CAB39: variants seen among roughly 807,000 people sequenced by gnomAD.
CAB39 encodes calcium binding protein 39.
In CAB39, 8 loss-of-function variants were observed where a neutral mutation model predicts 40.0. The observed-to-expected ratio is 0.20, with a 90% CI of 0.12 to 0.36. The LOEUF (loss-of-function observed/expected upper bound fraction) is 0.36. Ranked by LOEUF, CAB39 falls within the 10% of genes least tolerant of loss-of-function variation. The probability of loss-of-function intolerance (pLI) is 1.00; values close to 1 mark genes in which losing one functional copy is unlikely to be tolerated. For synonymous variants in CAB39, 156 were observed against 141.6 expected (o/e 1.10, Z -0.72); for missense variants, 270 against 401.1 (o/e 0.67, Z 2.79).
intron 3 of CAB39, 102 bp downstream of exon 3, chr2:230,791,138 T>C: frequency 4.4e-6 from 4 of 916,968 alleles, no homozygotes; most frequent in Non-Finnish European, 6.4e-6. Flanking sequence ...TTTGGGCTCT[T>C]GGCTCAGGGT....
At chr2:230,728,152 T>C (rs561092382) in intron 1 of CAB39, among the ~76,000 whole-genome samples, 2 of 152,252 alleles carry the variant, frequency 1.3e-5, no homozygotes, top group South Asian at 4.1e-4. Flanking sequence ...ACAGGAGAAT[T>C]GCTTGAACCT....
chr2:230,714,546 C>A (rs1378316728), intron 1 of CAB39, among the ~76,000 whole-genome samples: 2 of 152,200 alleles, frequency 1.3e-5, no homozygotes, highest in Non-Finnish European at 2.9e-5. Flanking sequence ...ATAAAAACTT[C>A]TTGCACTTTG....
chr2:230,809,074 G>T (rs755355727), intron 5 of CAB39, among the ~76,000 whole-genome samples: 1 of 152,200 alleles, frequency 6.6e-6, no homozygotes, highest in African/African-American at 2.4e-5. Flanking sequence ...CAATCAGGAG[G>T]AGTTGAGGTC....
intron 1 of CAB39, among the ~76,000 whole-genome samples, chr2:230,718,300 C>G (rs891695955): frequency 6.6e-6 from 1 of 152,208 alleles, no homozygotes; most frequent in African/African-American, 2.4e-5. Flanking sequence ...TGAACTGTAA[C>G]TTGCTCTTTA....
chr2:230,761,887 ATT>A (rs772949986), intron 2 of CAB39, among the ~76,000 whole-genome samples: 2 of 117,610 alleles, frequency 1.7e-5, no homozygotes, highest in Non-Finnish European at 3.7e-5. Context: ...TTTGTTTTTT[ATT>A]TGTTGTTGTT....
chr2:230,818,281 A>G (rs1463467585), intron 8 of CAB39: 1 of 506,880 alleles, frequency 2.0e-6, no homozygotes. Flanking sequence ...AATACTAAAC[A>G]CTGTGTTGCA....
chr2:230,786,408 G>A (rs1695795404), intron 2 of CAB39, among the ~76,000 whole-genome samples: 1 of 152,048 alleles, frequency 6.6e-6, no homozygotes, highest in African/African-American at 2.4e-5. Flanking sequence ...TAATTTACAT[G>A]CCGTATAGTT....
chr2:230,750,153 A>C (rs1457938177), intron 1 of CAB39, among the ~76,000 whole-genome samples: 1 of 152,220 alleles, frequency 6.6e-6, no homozygotes, highest in African/African-American at 2.4e-5. Context: ...TATGGTTTGA[A>C]TGTTGTTTAT....
intron 7 of CAB39, among the ~76,000 whole-genome samples, chr2:230,816,452 A>G (rs1259966294): frequency 6.6e-6 from 1 of 152,108 alleles, no homozygotes; most frequent in Non-Finnish European, 1.5e-5. Context: ...TATGAAGCCT[A>G]CTCCTTTCAG....
chr2:230,773,314 A>ATATATATATGTGTGTGTG (rs371297550), intron 2 of CAB39, among the ~76,000 whole-genome samples: 12 of 132,632 alleles, frequency 9.0e-5, no homozygotes, highest in African/African-American at 3.7e-4. Flanking sequence ...ATATATATAT[A>ATATATATATGTGTGTGTG]TGTGTGTGTG....
intron 2 of CAB39, among the ~76,000 whole-genome samples, chr2:230,771,259 GAAATTTAAA>G (rs1695477967): frequency 6.6e-6 from 1 of 151,672 alleles, no homozygotes; most frequent in Non-Finnish European, 1.5e-5. Context: ...GTCCAAAATT[GAAATTTAAA>G]AATACCTTGT....
chr2:230,777,423 GT>G (rs879923497), intron 2 of CAB39, among the ~76,000 whole-genome samples: 54 of 126,038 alleles, frequency 4.3e-4, no homozygotes, highest in East Asian at 4.6e-4. Context: ...TCTCAATTTT[GT>G]TTTTTTTTTT....
rs1008691756 is a variant in CAB39 at position 230,819,361 on chromosome 2, C to A, written c.*657C>A. The A allele has an allele frequency of 3.9e-5, 6 of 152,556 alleles. No individual in the cohort carries two copies. Among genetic ancestry groups the A allele is most frequent in the African/African-American group, 1.4e-4 (6 of 41,414 alleles). 9.5% of individuals were successfully genotyped at this position (152,556 alleles called of 1,614,324 possible). A position where few individuals can be genotyped will look rare whatever the true frequency, so the allele number is the denominator to read the frequency against. ...ATTTGATTTTCTTGAGACTTGTAAA[C>A]CTGGATATGTTGAAGGGTATTTGTT... is the stretch of plus-strand genomic sequence containing the variant. On this transcript the variant is annotated 3_prime_UTR_variant, in exon 9 of 9. Transcript: ENST00000258418.
At chr2:230,760,234 A>G in intron 2 of CAB39, 119 bp downstream of exon 2, 1 of 576,956 alleles carries the variant, frequency 1.7e-6, no homozygotes, top group East Asian at 2.9e-5. Context: ...ATAACATCCA[A>G]AAGCAACATA....
intron 1 of CAB39, among the ~76,000 whole-genome samples, chr2:230,753,743 C>CAA (rs60868418): frequency 1.6e-4 from 14 of 85,494 alleles, no homozygotes; most frequent in Middle Eastern, 6.4e-3. Context: ...GACTCCATCT[C>CAA]AAAAAAAAAA....
chr2:230,804,445 A>T (rs970842994), intron 5 of CAB39, among the ~76,000 whole-genome samples: 1 of 152,236 alleles, frequency 6.6e-6, no homozygotes, highest in African/African-American at 2.4e-5. Flanking sequence ...AACTACCATC[A>T]GAGTGAACAG....
intron 1 of CAB39, chr2:230,725,485 T>A: frequency 8.3e-7 from 1 of 1,202,890 alleles, no homozygotes; most frequent in Non-Finnish European, 1.2e-6. Flanking sequence ...ACCTCCCGTT[T>A]AATCTTTTAA....
At chr2:230,791,667 C>G (rs1447408625) in intron 3 of CAB39, among the ~76,000 whole-genome samples, 1 of 152,188 alleles carries the variant, frequency 6.6e-6, no homozygotes, top group East Asian at 1.9e-4. Flanking sequence ...CACAGGGCGT[C>G]TACACCTGGG....
At chr2:230,776,729 C>G (rs555983058) in intron 2 of CAB39, among the ~76,000 whole-genome samples, 4 of 151,636 alleles carry the variant, frequency 2.6e-5, no homozygotes, top group African/African-American at 9.7e-5. Flanking sequence ...CTCGCTCTGT[C>G]ACCCAGGCTG....
Sources: allele counts gnomAD v4.1 joint callset (sites outside exome capture counted in the v4.1 genomes callset), GRCh38; gene constraint gnomAD v4.1.1; transcripts MANE v1.5; gene names NCBI Gene and HGNC (gene_info 2026-07-23, HGNC 2026-07-21).